DCHS2: variants seen among roughly 807,000 people sequenced by gnomAD.
DCHS2 encodes protocadherin-23.
DCHS2 carries 142 observed loss-of-function variants against 182.4 expected under a neutral mutation model. The observed-to-expected ratio is 0.78, with a 90% CI of 0.68 to 0.89. The LOEUF is 0.89. DCHS2 is among the 40% of genes least tolerant of loss of function. The pLI is 0.00. For synonymous variants in DCHS2, 1,740 were observed against 1,663.3 expected (o/e 1.05, Z -1.12); for missense variants, 4,319 against 4,198.6 (o/e 1.03, Z -0.79).
At chr4:154,437,362 G>A (rs1037589970) in intron 1 of DCHS2, among the ~76,000 whole-genome samples, 7 of 152,086 alleles carry the variant, frequency 4.6e-5, no homozygotes, top group Non-Finnish European at 8.8e-5. Context: ...AAAAAGGATG[G>A]GAAACATAAA....
chr4:154,236,359 G>A lies in DCHS2; in HGVS notation c.8293C>T (p.His2765Tyr), dbSNP rs768300280. Residue 2765 changes from histidine (H) to tyrosine (Y), a missense_variant, in exon 20 of 20, where the codon CAT becomes TAT. Coordinates refer to ENST00000357232, the MANE Select transcript of DCHS2 (RefSeq NM_001358235.2). The stretch of plus-strand genomic sequence containing the variant: ...CTTGAGAACATAAACTGAGGTGCAT[G>A]GTCGTTATCATCCAGGACACTGACA... ...VFVSVLDDND[H>Y]APQFMFSSFS... The A allele has an allele frequency of 1.9e-6, 3 of 1,614,028 alleles. No homozygotes were observed. The highest frequency in any genetic ancestry group is 1.7e-6 in the Non-Finnish European group (2 of 1,179,966).
chr4:154,426,788 A>G (rs1733348573), intron 1 of DCHS2, among the ~76,000 whole-genome samples: 1 of 151,740 alleles, frequency 6.6e-6, no homozygotes, highest in African/African-American at 2.4e-5. Flanking sequence ...AAATAAACTT[A>G]AAAATAAAAT....
chr4:154,298,367 C>T lies in DCHS2; in HGVS notation c.5947G>A (p.Asp1983Asn), dbSNP rs1209514309. Residue 1983 changes from aspartate (D) to asparagine (N), a missense_variant, in exon 13 of 20, where the codon GAT becomes AAT. Asp to Asn is a conservative substitution (Grantham distance 23). Transcript: ENST00000357232. ...TDEASGAFTIDPMSGTLKTSN... is the reference protein window; with the variant it reads ...TDEASGAFTINPMSGTLKTSN... ...GTTTTCAATGTGCCTGACATAGGAT[C>T]AATGGTGAATGCACCAGAAGCCTCA... 1 of 1,614,160 alleles carries T rather than the reference C, an allele frequency of 6.2e-7. No individual in the cohort carries two copies.
rs556358265 is a variant in DCHS2 at position 154,419,042 on chromosome 4, A to C, written c.2053-41598T>G. 2.6e-5 allele frequency among the ~76,000 whole-genome samples: 4 copies of C among 152,354 alleles called. No homozygotes were observed. The East Asian group carries it at 7.7e-4, about 29-fold the overall frequency. On this transcript the variant is annotated intron_variant, in intron 1 of 19. Transcript: ENST00000357232. ...TGGGTGCACATGCAAACACACATGCAATCAGCATGAATGTAATAGCTACAA... is the reference window on the plus strand; with the variant it reads ...TGGGTGCACATGCAAACACACATGCCATCAGCATGAATGTAATAGCTACAA...
At chr4:154,238,915 C>G (rs921037152) in intron 19 of DCHS2, among the ~76,000 whole-genome samples, 19 of 152,194 alleles carry the variant, frequency 1.2e-4, no homozygotes, top group African/African-American at 4.3e-4. Context: ...ACTGGGGTCT[C>G]TGAATTTGTG....
In DCHS2 at chr4:154,277,153, T is replaced by A. The variant is rs1046647040; in HGVS notation, c.6464-7140A>T. 2.6e-5 allele frequency among the ~76,000 whole-genome samples: 4 copies of A among 152,212 alleles called. No homozygotes were observed. In the South Asian group the frequency reaches 8.3e-4, roughly 32 times the overall value. On this transcript the variant is annotated intron_variant, in intron 13 of 19. Transcript: ENST00000357232. The stretch of plus-strand genomic sequence containing the variant: ...TGTTTCTTTTGTTGGCATAGCTTTT[T>A]CTTTTCTTACTGCCACTCTTAAGAA...
chr4:154,384,311 C>T (rs976281285), intron 1 of DCHS2: 70 of 1,578,712 alleles, frequency 4.4e-5, no homozygotes, highest in Non-Finnish European at 6.0e-5. Flanking sequence ...TTGAAACATC[C>T]TTCATCAGAC....
At chr4:154,433,393 TC>T (rs773026695) in intron 1 of DCHS2, among the ~76,000 whole-genome samples, 1 of 123,222 alleles carries the variant, frequency 8.1e-6, no homozygotes, top group East Asian at 2.1e-4. Flanking sequence ...TTTTTTTTTT[TC>T]CTTTTTTTTT....
At chr4:154,470,207 G>A (rs1177411670) in intron 1 of DCHS2, among the ~76,000 whole-genome samples, 1 of 152,194 alleles carries the variant, frequency 6.6e-6, no homozygotes, top group Non-Finnish European at 1.5e-5. Flanking sequence ...GCTAGGCACA[G>A]TGGCTCATTC....
intron 1 of DCHS2, among the ~76,000 whole-genome samples, chr4:154,388,133 T>A (rs1194140648): frequency 6.6e-6 from 1 of 152,140 alleles, no homozygotes; most frequent in Non-Finnish European, 1.5e-5. Context: ...TCTAAGAATA[T>A]ACATAGAAAG....
intron 1 of DCHS2, among the ~76,000 whole-genome samples, chr4:154,451,813 G>A (rs1471746629): frequency 2.0e-5 from 3 of 152,200 alleles, no homozygotes; most frequent in Admixed American, 6.5e-5. Flanking sequence ...TGACTTGGTC[G>A]TATGTTGAGA....
At position 154,310,051 on chromosome 4, in the gene DCHS2, G is replaced by C. The variant is rs1011506151; in HGVS notation, c.5261-4820C>G. ...AGATCAGACCCAAATTGAGTGGCAGGTATAATAAATACCTTGTAAGGAGAT... is the reference window on the plus strand; with the variant it reads ...AGATCAGACCCAAATTGAGTGGCAGCTATAATAAATACCTTGTAAGGAGAT... On this transcript the variant is annotated intron_variant, in intron 10 of 19. Transcript: ENST00000357232. Among the ~76,000 whole-genome samples the C allele has an allele frequency of 2.0e-5, 3 of 152,300 alleles. No individual in the cohort carries two copies. The South Asian group carries it at 6.2e-4, about 32-fold the overall frequency.
chr4:154,247,904 G>C (rs1732158858), intron 16 of DCHS2, among the ~76,000 whole-genome samples: 1 of 152,198 alleles, frequency 6.6e-6, no homozygotes, highest in African/African-American at 2.4e-5. Context: ...ATCTGGAAGT[G>C]CTGGCCTGAC....
At position 154,491,045 on chromosome 4, in the gene DCHS2, G is replaced by T. The variant is rs1488145801; in HGVS notation, c.311C>A (p.Ser104Ter). Residue 104 changes from serine to a stop codon, truncating the protein, a stop_gained, in exon 1 of 20, where the codon TCG becomes TAG. Transcript: ENST00000357232. LOFTEE classifies it high-confidence loss of function. Reference protein sequence around the residue: ...QQQEGSGFFLSEDSDDSPLLD... With the variant: ...QQQEGSGFFL Reference sequence around the variant, plus strand: ...CAGCGGGGAGTCATCGGAGTCCTCCGACAGAAAGAAGCCGCTCCCCTCCTG... The same window carrying T: ...CAGCGGGGAGTCATCGGAGTCCTCCTACAGAAAGAAGCCGCTCCCCTCCTG... The T allele has an allele frequency of 6.4e-7, 1 of 1,550,978 alleles. No homozygotes were observed. Among genetic ancestry groups the T allele is most frequent in the Non-Finnish European group, 8.7e-7 (1 of 1,146,878 alleles).
In DCHS2 at chr4:154,361,941, C is replaced by T. The variant is rs140039807; in HGVS notation, c.2476+4269G>A. Among the ~76,000 whole-genome samples, 1,020 of 152,060 alleles carry T rather than the reference C, an allele frequency of 6.7e-3. 11 individuals carry two copies. The highest frequency in any genetic ancestry group is 0.023 in the African/African-American group (969 of 41,500). ...ATAGCATGTCTGATAAAGAAAGCAT[C>T]AAAATGAAAGAATGAATGAACCAGT... On this transcript the variant is annotated intron_variant, in intron 3 of 19. Transcript: ENST00000357232.
intron 5 of DCHS2, chr4:154,331,739 C>A: frequency 6.3e-7 from 1 of 1,599,842 alleles, no homozygotes; most frequent in South Asian, 1.1e-5. Flanking sequence ...AGCTTCTTCT[C>A]ATCTTACCAG....
At chr4:154,416,511 C>A (rs9990874) in intron 1 of DCHS2, among the ~76,000 whole-genome samples, 81,012 of 151,928 alleles carry the variant, frequency 0.53, 22,652 homozygotes, top group East Asian at 0.82. Context: ...GAGTCCTGCT[C>A]CTATTGTTTC....
chr4:154,462,952 AATGAC>A (rs1735073455), intron 1 of DCHS2, among the ~76,000 whole-genome samples: 1 of 152,070 alleles, frequency 6.6e-6, no homozygotes, highest in Non-Finnish European at 1.5e-5. Context: ...TAATTGGGAA[AATGAC>A]ATGAAATGAG....
chr4:154,320,566 C>G lies in DCHS2; in HGVS notation c.4833G>C (p.Leu1611Phe), dbSNP rs1307531372. ...LRSLTAQIVI[L>F]DVNDHNPTFI... ...AAGTGGGGTTGTGGTCATTTACATC[C>G]AAAATCACTATTTGTGCTGTCAGTG... The change falls in exon 9 of 20, where the codon TTG becomes TTC. Residue 1611 changes from leucine (L) to phenylalanine (F), a missense_variant. Leu to Phe is a conservative substitution (Grantham distance 22). Coordinates refer to ENST00000357232, the MANE Select transcript of DCHS2 (RefSeq NM_001358235.2). The G allele has an allele frequency of 1.2e-6, 2 of 1,613,978 alleles. No homozygotes were observed. Among genetic ancestry groups the G allele is most frequent in the Non-Finnish European group, 1.7e-6 (2 of 1,180,006 alleles).
Sources: gnomAD v4.1 joint callset for allele counts (sites outside exome capture counted in the v4.1 genomes callset) on GRCh38, gnomAD v4.1.1 for gene constraint, MANE v1.5 for transcripts, NCBI Gene and HGNC (gene_info 2026-07-23, HGNC 2026-07-21) for gene names.